Variants in TRPV5 observed in about 807,000 individuals in gnomAD.
TRPV5 encodes calcium transport protein 2.
A neutral mutation model predicts 74.1 loss-of-function variants in TRPV5; 66 were observed. The observed-to-expected ratio is 0.89, with a 90% CI of 0.73 to 1.09. TRPV5 has a LOEUF of 1.09. Ranked by LOEUF, TRPV5 falls within the 50% of genes least tolerant of loss-of-function variation. The pLI is 0.00. For synonymous variants in TRPV5, 399 were observed against 360.7 expected (o/e 1.11, Z -1.20); for missense variants, 936 against 930.4 (o/e 1.01, Z -0.08).
At chr7:142,921,183 T>C (rs1314673696) in intron 8 of TRPV5, among the ~76,000 whole-genome samples, 1 of 152,226 alleles carries the variant, frequency 6.6e-6, no homozygotes, top group Non-Finnish European at 1.5e-5. Context: ...TTTTAAAAGA[T>C]GGAAACACAG....
In TRPV5 at chr7:142,930,101, G is replaced by A. The variant is rs187463555; in HGVS notation, c.306C>T (p.Ala102=). ...LEAALVLMEA[A]PELVFEPTTC... The stretch of plus-strand genomic sequence containing the variant: ...TGGTGGGCTCAAAGACCAGCTCTGG[G>A]GCAGCCTCCATCAGCACCAAGGCCG... The change falls in exon 3 of 15, where the codon GCC becomes GCT. Residue 102 remains alanine, a synonymous_variant. Coordinates refer to ENST00000265310, the MANE Select transcript of TRPV5 (RefSeq NM_019841.7). 961 of 1,614,160 alleles carry A rather than the reference G, an allele frequency of 6.0e-4. 5 individuals carry two copies. The highest frequency in any genetic ancestry group is 1.4e-4 in the Non-Finnish European group (164 of 1,180,034).
rs1020048852 is a variant in TRPV5 at position 142,912,718 on chromosome 7, T to C, written c.1552A>G (p.Thr518Ala). Residue 518 changes from threonine (T) to alanine (A), a missense_variant, in exon 13 of 15, where the codon ACC (threonine) becomes GCC (alanine). Thr to Ala is a moderately conservative substitution (Grantham distance 58, BLOSUM62 0). Transcript: ENST00000265310. ...FYIIFQTEDPTSLGQFYDYPM... is the reference protein window; with the variant it reads ...FYIIFQTEDPASLGQFYDYPM... ...TAGTCATAGAATTGCCCCAGACTGG[T>C]TGGGTCCTCTGTCTGGAAAATGATA... The C allele has an allele frequency of 6.2e-6, 10 of 1,614,172 alleles. No homozygotes were observed. Among genetic ancestry groups the C allele is most frequent in the Non-Finnish European group, 7.6e-6 (9 of 1,179,998 alleles).
intron 6 of TRPV5, 23 bp downstream of exon 6, chr7:142,928,668 C>A: frequency 6.2e-7 from 1 of 1,607,016 alleles, no homozygotes. Context: ...AAAGACACCT[C>A]AGGGATGGGG....
chr7:142,917,813 T>A (rs933492809), intron 8 of TRPV5, among the ~76,000 whole-genome samples: 1 of 152,202 alleles, frequency 6.6e-6, no homozygotes, highest in African/African-American at 2.4e-5. Context: ...CCCCCTTCCT[T>A]GCTGCTCTAC....
chr7:142,919,573 C>A (rs4252465), intron 8 of TRPV5, among the ~76,000 whole-genome samples: 24 of 152,182 alleles, frequency 1.6e-4, no homozygotes, highest in African/African-American at 5.8e-4. Flanking sequence ...TCCAATACAT[C>A]CCTTTAAAAA....
chr7:142,917,148 T>C (rs1429524416), intron 8 of TRPV5, among the ~76,000 whole-genome samples: 1 of 151,986 alleles, frequency 6.6e-6, no homozygotes, highest in African/African-American at 2.4e-5. Flanking sequence ...TTGAATTCCT[T>C]CTCTTCTCTC....
At chr7:142,925,823 G>T in intron 7 of TRPV5, 82 bp from the exon 8 acceptor site, 1 of 1,208,954 alleles carries the variant, frequency 8.3e-7, no homozygotes, top group Non-Finnish European at 1.2e-6. Flanking sequence ...AAGAGGCAGG[G>T]CAGCAACCAT....
chr7:142,908,979 C>T (rs1047738287), intron 14 of TRPV5, among the ~76,000 whole-genome samples, 171 bp from the exon 15 acceptor site: 1 of 152,044 alleles, frequency 6.6e-6, no homozygotes, highest in Non-Finnish European at 1.5e-5. Context: ...GGAGGGCAGG[C>T]TAACCTGGGA....
Position 142,908,203 on chromosome 7 carries a change from G to A in TRPV5, c.*311C>T, listed in dbSNP as rs564214423. On this transcript the variant is annotated 3_prime_UTR_variant, in exon 15 of 15. Coordinates refer to ENST00000265310, the MANE Select transcript of TRPV5 (RefSeq NM_019841.7). ...CAGCTTACTACTTTCTAGGGGCTGC[G>A]TGGGGCAGAAGAGAAATGGTCCTGA... 5.4e-5 allele frequency: 23 copies of A among 423,912 alleles called. No individual in the cohort carries two copies. Among genetic ancestry groups the A allele is most frequent in the Middle Eastern group, 6.4e-4 (1 of 1,560 alleles). 26.3% of individuals were successfully genotyped at this position (423,912 alleles called of 1,614,324 possible). A position where few individuals can be genotyped will look rare whatever the true frequency, so the allele number is the denominator to read the frequency against.
rs1445384335 is a variant in TRPV5, at chr7:142,924,341, T to TAC, written c.1122+1187_1122+1188insGT. On this transcript the variant is annotated intron_variant, in intron 8 of 14. Coordinates refer to ENST00000265310, the MANE Select transcript of TRPV5 (RefSeq NM_019841.7). ...ACATATACATGTATATATATACATA[T>TAC]ATATATATATAGACATATACATGTA... Among the ~76,000 whole-genome samples the TAC allele has an allele frequency of 2.0e-3, 25 of 12,798 alleles. 3 individuals are homozygous for TAC. The highest frequency in any genetic ancestry group is 4.2e-3 in the African/African-American group (25 of 5,996). 8.4% of individuals were successfully genotyped at this position (12,798 alleles called of 152,430 possible).
chr7:142,930,375 T>C lies in TRPV5; in HGVS notation c.200A>G (p.Asp67Gly). The C allele has an allele frequency of 6.2e-7, 1 of 1,614,074 alleles. No homozygotes were observed. Among genetic ancestry groups the C allele is most frequent in the Non-Finnish European group, 8.5e-7 (1 of 1,180,010 alleles). The change falls in exon 2 of 15, where the codon GAC becomes GGC. Residue 67 changes from aspartate to glycine, a missense_variant. Physicochemically the swap from Asp to Gly is moderately conservative, Grantham distance 94 (BLOSUM62 -1). Coordinates refer to ENST00000265310, the MANE Select transcript of TRPV5 (RefSeq NM_019841.7). ...DLSVLRQLLL[D>G]CTCDVRQRGA... ...TCTTTGTCGAACGTCACAGGTGCAG[T>C]CCAGTAGAAGTTGCCTAAGAACAGA...
At chr7:142,927,990 G>A in intron 7 of TRPV5, 98 bp downstream of exon 7, 4 of 1,468,154 alleles carry the variant, frequency 2.7e-6, no homozygotes, top group South Asian at 1.2e-5. Flanking sequence ...TATAAGGCTG[G>A]GAAGTGTCTC....
rs760393955 is a variant in TRPV5, at chr7:142,925,670, C to A, written c.981G>T (p.Pro327=). Residue 327 remains proline, a synonymous_variant, in exon 8 of 15, where the codon CCG becomes CCT. Transcript: ENST00000265310. ...ACAAGGCAGCCAGGATGCAGAAGTA[C>A]GGCCGGCCATACTTGTTCCACTTGA... The part of the protein sequence containing the change: ...VSFKWNKYGR[P]YFCILAALYL... 1 of 1,614,168 alleles carries A rather than the reference C, an allele frequency of 6.2e-7. No homozygotes were observed. Among genetic ancestry groups the A allele is most frequent in the South Asian group, 1.1e-5 (1 of 91,084 alleles).
chr7:142,927,847 C>A (rs1796012610), intron 7 of TRPV5, among the ~76,000 whole-genome samples: 1 of 152,156 alleles, frequency 6.6e-6, no homozygotes. Flanking sequence ...TTTGGAGTTT[C>A]TCATCTGAAA....
At chr7:142,932,557 A>C (rs4252379) in intron 1 of TRPV5, among the ~76,000 whole-genome samples, 31,006 of 152,158 alleles carry the variant, frequency 0.2, 6,627 homozygotes, top group African/African-American at 0.55. Context: ...TGTCTGCTCA[A>C]CAACCTCACC....
At chr7:142,929,888 T>G (rs1273166531) in intron 3 of TRPV5, among the ~76,000 whole-genome samples, 170 bp downstream of exon 3, 1 of 152,118 alleles carries the variant, frequency 6.6e-6, no homozygotes, top group Non-Finnish European at 1.5e-5. Context: ...AGCCACAGAT[T>G]GGTAAAAGCC....
At chr7:142,919,427 G>A (rs1795848784) in intron 8 of TRPV5, among the ~76,000 whole-genome samples, 1 of 152,200 alleles carries the variant, frequency 6.6e-6, no homozygotes, top group Non-Finnish European at 1.5e-5. Context: ...AAGGAGGACA[G>A]GAAGCGGGGA....
At chr7:142,922,459 G>C (rs937634416) in intron 8 of TRPV5, among the ~76,000 whole-genome samples, 2 of 152,282 alleles carry the variant, frequency 1.3e-5, no homozygotes, top group East Asian at 1.9e-4. Context: ...TGGAAGCCAC[G>C]GGTTCTCAAC....
In TRPV5 at chr7:142,928,878, G is replaced by A. The variant is rs4252410; in HGVS notation, c.587-12C>T. ...TAATACTGTGTTTCCTGGGGAGGAC[G>A]CAGGGTATCATGTGGCCACTGGCCT... On this transcript the variant is annotated splice_polypyrimidine_tract_variant and intron_variant, in intron 5 of 14. Transcript: ENST00000265310. 7.0e-5 allele frequency: 113 copies of A among 1,613,510 alleles called. No individual in the cohort carries two copies. The highest frequency in any genetic ancestry group is 4.0e-4 in the Admixed American group (24 of 59,994).
Sources: allele counts gnomAD v4.1 joint callset (sites outside exome capture counted in the v4.1 genomes callset), GRCh38; gene constraint gnomAD v4.1.1; transcripts MANE v1.5; gene names NCBI Gene and HGNC (gene_info 2026-07-23, HGNC 2026-07-21).